Variants in EFCAB13 observed in about 807,000 individuals in gnomAD.
The protein encoded by EFCAB13 is EF-hand calcium-binding domain-containing protein 13.
A neutral mutation model predicts 110.2 loss-of-function variants in EFCAB13; 91 were observed. The observed-to-expected ratio is 0.83, with a 90% CI of 0.70 to 0.98. The LOEUF (loss-of-function observed/expected upper bound fraction) is 0.98, where lower values mean the gene tolerates loss of function less well. Among genes scored for constraint, EFCAB13 ranks in the 50% least tolerant of loss-of-function variants. EFCAB13 has a pLI of 0.00. For synonymous variants in EFCAB13, 323 were observed against 369.9 expected, an observed-to-expected ratio of 0.87 and a Z score of 1.45; for missense variants, 968 against 1,119.4, an observed-to-expected ratio of 0.86 and a Z score of 1.93.
rs573096902 is a variant in EFCAB13 at position 47,330,983 on chromosome 17, A to G, written c.30+2600A>G. Among the ~76,000 whole-genome samples, 3 of 152,210 alleles carry G rather than the reference A, an allele frequency of 2.0e-5. No individual in the cohort carries two copies. In the South Asian group the frequency reaches 6.2e-4, roughly 32 times the overall value. On this transcript the variant is annotated intron_variant, in intron 4 of 24. Transcript: ENST00000331493. ...GCCATTCTGGCTGGGGTAAGGTGAT[A>G]TCTTATTGTGGTTTTAATTTGTATT...
At chr17:47,391,992 G>T (rs781183122) in intron 15 of EFCAB13, among the ~76,000 whole-genome samples, 1 of 152,038 alleles carries the variant, frequency 6.6e-6, no homozygotes, top group African/African-American at 2.4e-5. Flanking sequence ...AACCATTTTT[G>T]AGTATCTGTG....
At chr17:47,439,683 G>C (rs898712257) in intron 24 of EFCAB13, among the ~76,000 whole-genome samples, 12 of 151,978 alleles carry the variant, frequency 7.9e-5, no homozygotes, top group African/African-American at 2.9e-4. Context: ...TGTGTCTACT[G>C]TCATACTAAA....
At chr17:47,391,400 A>C in intron 14 of EFCAB13, 37 bp from the exon 15 acceptor site, 1 of 1,430,916 alleles carries the variant, frequency 7.0e-7, no homozygotes, top group South Asian at 1.6e-5. Flanking sequence ...TTTTTGACTT[A>C]TATTTAATAC....
chr17:47,406,337 C>G (rs374721873), intron 20 of EFCAB13, among the ~76,000 whole-genome samples: 139 of 152,254 alleles, frequency 9.1e-4, no homozygotes, highest in Middle Eastern at 3.4e-3. Flanking sequence ...GTCTCGAACT[C>G]CTGCCTTGTG....
intron 23 of EFCAB13, among the ~76,000 whole-genome samples, chr17:47,415,289 A>G (rs918776960): frequency 1.3e-5 from 2 of 152,158 alleles, no homozygotes; most frequent in Non-Finnish European, 2.9e-5. Context: ...CTAATGCTAA[A>G]TGACGAGTTA....
At chr17:47,392,609 T>C (rs2065714181) in intron 15 of EFCAB13, among the ~76,000 whole-genome samples, 1 of 152,060 alleles carries the variant, frequency 6.6e-6, no homozygotes, top group South Asian at 2.1e-4. Flanking sequence ...CAAACATACA[T>C]GGCAACATAT....
At position 47,374,611 on chromosome 17, in the gene EFCAB13, T is replaced by G. The variant is rs1303884909; in HGVS notation, c.1017T>G (p.Asn339Lys). The change falls in exon 12 of 25, where the codon AAT (asparagine) becomes AAG (lysine). Residue 339 changes from asparagine to lysine, a missense_variant. Coordinates refer to ENST00000331493, the MANE Select transcript of EFCAB13 (RefSeq NM_152347.5). The stretch of plus-strand genomic sequence containing the variant: ...AACCTTCAATATCCAAAAAGTTAAA[T>G]AAAAAAAGCAACCAATATTATAGCA... ...LPEPSISKKL[N>K]KKSNQYYSKI... 4.4e-6 allele frequency: 7 copies of G among 1,602,874 alleles called. No individual in the cohort carries two copies. Among genetic ancestry groups the G allele is most frequent in the Non-Finnish European group, 5.9e-6 (7 of 1,177,304 alleles).
chr17:47,325,538 T>G (rs2065277304), intron 2 of EFCAB13, among the ~76,000 whole-genome samples: 1 of 152,126 alleles, frequency 6.6e-6, no homozygotes, highest in Admixed American at 6.5e-5. Flanking sequence ...TATGCCACTT[T>G]CACTTAGCCT....
Position 47,355,882 on chromosome 17 carries a change from A to G in EFCAB13, c.662-5496A>G, listed in dbSNP as rs367867519. Among the ~76,000 whole-genome samples, 136 of 152,098 alleles carry G rather than the reference A, an allele frequency of 8.9e-4. 1 individual carries two copies. Among genetic ancestry groups the G allele is most frequent in the African/African-American group, 3.2e-3 (134 of 41,516 alleles). Reference sequence around the variant, plus strand: ...CACTGCACCCAGCAGTGCTGGGTGCATTCATTTTAAAAAATGCTTTCTTCT... The same window carrying G: ...CACTGCACCCAGCAGTGCTGGGTGCGTTCATTTTAAAAAATGCTTTCTTCT... On this transcript the variant is annotated intron_variant, in intron 9 of 24. Coordinates refer to ENST00000331493, the MANE Select transcript of EFCAB13 (RefSeq NM_152347.5).
intron 14 of EFCAB13, among the ~76,000 whole-genome samples, chr17:47,390,910 G>GCCTGTCTATCTA (rs2065702959): frequency 9.4e-6 from 1 of 106,576 alleles, no homozygotes; most frequent in Admixed American, 9.4e-5. Context: ...ATGTGTGTCT[G>GCCTGTCTATCTA]TCTGTCTATC....
intron 21 of EFCAB13, among the ~76,000 whole-genome samples, chr17:47,410,525 C>T (rs1208420449): frequency 6.6e-6 from 1 of 152,096 alleles, no homozygotes; most frequent in Non-Finnish European, 1.5e-5. Flanking sequence ...TTGGTAGCCC[C>T]AAAACTCTTA....
chr17:47,325,186 A>C (rs970395506), intron 2 of EFCAB13, among the ~76,000 whole-genome samples: 24 of 150,360 alleles, frequency 1.6e-4, no homozygotes, highest in African/African-American at 5.9e-4. Context: ...GCTGATTAAA[A>C]AAAAAATTCT....
chr17:47,402,044 T>TA, intron 17 of EFCAB13, 88 bp from the exon 18 acceptor site: 1 of 952,242 alleles, frequency 1.1e-6, no homozygotes, highest in Admixed American at 1.8e-5. Context: ...TAGGAGTGCA[T>TA]CAAATGGTTT....
intron 9 of EFCAB13, among the ~76,000 whole-genome samples, chr17:47,351,812 T>C (rs2065454755): frequency 6.6e-6 from 1 of 152,014 alleles, no homozygotes; most frequent in Admixed American, 6.6e-5. Context: ...TCTTTTTTTG[T>C]TGTTGTTGCT....
intron 12 of EFCAB13, among the ~76,000 whole-genome samples, chr17:47,376,651 G>C (rs2065616921): frequency 1.3e-5 from 2 of 152,170 alleles, no homozygotes; most frequent in South Asian, 4.1e-4. Flanking sequence ...ATTAGGACAT[G>C]ATCTAAACCA....
chr17:47,340,766 A>AT lies in EFCAB13; in HGVS notation c.192-1126dup, dbSNP rs58304526. Among the ~76,000 whole-genome samples, 284 of 54,010 alleles carry AT rather than the reference A, an allele frequency of 5.3e-3. 4 individuals carry two copies. The highest frequency in any genetic ancestry group is 0.016 in the South Asian group (22 of 1,382). The allele number at this position is 54,010 out of a possible 152,430, so 35.4% of individuals were successfully genotyped here. On this transcript the variant is annotated intron_variant, in intron 5 of 24. Transcript: ENST00000331493. ...AGGCGTGCACCACCACACCTGGCTAATTTTTTTTTTTTTTTTTTTTTTTTT... is the reference window on the plus strand; with the variant it reads ...AGGCGTGCACCACCACACCTGGCTAATTTTTTTTTTTTTTTTTTTTTTTTTT...
rs76299620 is a variant in EFCAB13, at chr17:47,370,436, G to A, written c.806-1G>A. On this transcript the variant is annotated splice_acceptor_variant, in intron 10 of 24. Transcript: ENST00000331493. LOFTEE classifies it high-confidence loss of function. ...CAGTATTTGAACTTATTCTATTACA[G>A]GTAACCACATGGTGGATATTGGGGA... 33,947 of 1,573,628 alleles carry A rather than the reference G, an allele frequency of 0.022. 1,034 individuals carry two copies. The highest frequency in any genetic ancestry group is 0.17 in the East Asian group (7,591 of 44,400).
chr17:47,390,914 G>GTCTGTCTATCTA (rs150041083), intron 14 of EFCAB13, among the ~76,000 whole-genome samples: 119 of 150,264 alleles, frequency 7.9e-4, no homozygotes, highest in African/African-American at 2.8e-3. Context: ...GTGTCTGTCT[G>GTCTGTCTATCTA]TCTATCTATC....
chr17:47,380,235 C>T (rs1271954235), intron 14 of EFCAB13, among the ~76,000 whole-genome samples: 1 of 151,976 alleles, frequency 6.6e-6, no homozygotes, highest in African/African-American at 2.4e-5. Context: ...CTACTAGCCC[C>T]CTACCCCCTG....
Sources: allele counts gnomAD v4.1 joint callset (sites outside exome capture counted in the v4.1 genomes callset), GRCh38; gene constraint gnomAD v4.1.1; transcripts MANE v1.5; gene names NCBI Gene and HGNC (gene_info 2026-07-23, HGNC 2026-07-21).